The following ZNF18 variants were observed in gnomAD, a reference collection of about 807,000 sequenced individuals.
ZNF18 encodes zinc finger protein 18.
A neutral mutation model predicts 58.1 loss-of-function variants in ZNF18; 42 were observed. The observed-to-expected ratio is 0.72, with a 90% CI of 0.56 to 0.93. The LOEUF is 0.93. Among genes scored for constraint, ZNF18 ranks in the 40% least tolerant of loss-of-function variants. The probability of loss-of-function intolerance (pLI) is 0.00; values close to 1 mark genes in which losing one functional copy is unlikely to be tolerated. For synonymous variants in ZNF18, 231 were observed against 239.8 expected (o/e 0.96, Z 0.34); for missense variants, 540 against 644.2 (o/e 0.84, Z 1.75).
chr17:11,998,844 T>G (rs76973677), upstream of ZNF18, among the ~76,000 whole-genome samples: 35,038 of 128,368 alleles, frequency 0.27, 2,761 homozygotes, highest in East Asian at 0.43. Context: ...TTTTTTTTTT[T>G]TTTGTATTTT....
At chr17:12,010,432 T>C in the ZNF18 span, among the ~76,000 whole-genome samples, 5 of 152,092 alleles carry the variant, frequency 3.3e-5, no homozygotes, top group Non-Finnish European at 7.4e-5. Context: ...TTTTTTTTTT[T>C]TCCAGATGGA....
At chr17:12,004,828 A>C in the ZNF18 span, among the ~76,000 whole-genome samples, 1 of 150,396 alleles carries the variant, frequency 6.6e-6, no homozygotes, top group East Asian at 2.0e-4. Flanking sequence ...CAGAGGTTGC[A>C]GTGAGCCAAG....
At chr17:12,011,184 A>G in the ZNF18 span, 1 of 570,370 alleles carries the variant, frequency 1.8e-6, no homozygotes, top group South Asian at 2.0e-5. Flanking sequence ...CCTGGAGAAC[A>G]TATATCGGGT....
the ZNF18 span, among the ~76,000 whole-genome samples, chr17:12,017,396 G>A: frequency 6.6e-6 from 1 of 152,120 alleles, no homozygotes; most frequent in South Asian, 2.1e-4. Flanking sequence ...CTGGTCCTGA[G>A]CCCTTGGCAA....
At chr17:11,985,970 T>G (rs1407425476) in intron 4 of ZNF18, among the ~76,000 whole-genome samples, 1 of 152,226 alleles carries the variant, frequency 6.6e-6, no homozygotes, top group African/African-American at 2.4e-5. Context: ...GAAGGCACTC[T>G]CTGATATGAT....
chr17:11,984,283 A>C, intron 4 of ZNF18, 86 bp from the exon 5 acceptor site: 2 of 1,333,326 alleles, frequency 1.5e-6, no homozygotes, highest in South Asian at 2.8e-5. Context: ...AGGAAAGCTG[A>C]GAAGACAGAA....
intron 6 of ZNF18, among the ~76,000 whole-genome samples, chr17:11,979,156 T>A (rs1597944258): frequency 6.6e-6 from 1 of 151,224 alleles, no homozygotes; most frequent in East Asian, 1.9e-4. Context: ...GAGAGAGAAA[T>A]ATATACAGAA....
upstream of ZNF18, chr17:11,998,563 T>G (rs573755063): frequency 3.4e-3 from 505 of 150,606 alleles, 5 homozygotes; most frequent in African/African-American, 0.012. Flanking sequence ...TCATAACATG[T>G]CCTGTACCTG....
intron 6 of ZNF18, among the ~76,000 whole-genome samples, chr17:11,982,897 GTTTGT>G (rs1432663982): frequency 6.6e-6 from 1 of 152,002 alleles, no homozygotes; most frequent in African/African-American, 2.4e-5. Flanking sequence ...ATTTTTTTCT[GTTTGT>G]TTTATGTCTA....
intron 4 of ZNF18, among the ~76,000 whole-genome samples, chr17:11,985,054 T>C (rs987627022): frequency 9.2e-5 from 14 of 152,214 alleles, no homozygotes; most frequent in African/African-American, 2.9e-4. Context: ...AAGAGAGAGA[T>C]GTTATAGCCA....
At chr17:11,998,875 C>T (rs1254939184), upstream of ZNF18, among the ~76,000 whole-genome samples, 1 of 138,354 alleles carries the variant, frequency 7.2e-6, no homozygotes, top group African/African-American at 2.8e-5. Context: ...GGGGTTTCAC[C>T]ATGTTGGCCA....
chr17:12,018,566 T>C, the ZNF18 span, among the ~76,000 whole-genome samples: 299 of 152,330 alleles, frequency 2.0e-3, 2 homozygotes, highest in African/African-American at 6.6e-3. Context: ...CATTCTGAGA[T>C]GCTGGGGGTT....
the ZNF18 span, chr17:12,021,449 G>GGCCGGCGCCCCTCGGCCCC: frequency 6.6e-6 from 1 of 151,902 alleles, no homozygotes; most frequent in Non-Finnish European, 1.5e-5. Context: ...CAGCGGCCCC[G>GGCCGGCGCCCCTCGGCCCC]GCCGGCGCCC....
the ZNF18 span, among the ~76,000 whole-genome samples, chr17:12,008,538 A>G: frequency 1.3e-5 from 2 of 152,148 alleles, no homozygotes; most frequent in Non-Finnish European, 2.9e-5. Flanking sequence ...TAACATACTT[A>G]CAGTACCATC....
At position 11,992,931 on chromosome 17, in the gene ZNF18, G is replaced by T; in HGVS notation, c.-82-20C>A. The T allele has an allele frequency of 7.4e-7, 1 of 1,344,274 alleles. No homozygotes were observed. Among genetic ancestry groups the T allele is most frequent in the Non-Finnish European group, 1.0e-6 (1 of 1,003,248 alleles). The allele number at this position is 1,344,274 out of a possible 1,614,324, so 83.3% of individuals were successfully genotyped here. A position where few individuals can be genotyped will look rare whatever the true frequency, so the allele number is the denominator to read the frequency against. On this transcript the variant is annotated intron_variant, in intron 1 of 6. Transcript: ENST00000580306. ...AGGACACTAAAAAGGGAATGAGATT[G>T]AGTGCTACACAGAGGAAGGGGACAC...
chr17:12,000,586 T>A (rs1468671672), upstream of ZNF18, among the ~76,000 whole-genome samples: 1 of 152,142 alleles, frequency 6.6e-6, no homozygotes, highest in East Asian at 1.9e-4. Flanking sequence ...TGCACGCCTG[T>A]AATATACAAA....
At chr17:11,993,911 A>G (rs981275810) in intron 1 of ZNF18, among the ~76,000 whole-genome samples, 1 of 151,620 alleles carries the variant, frequency 6.6e-6, no homozygotes, top group African/African-American at 2.4e-5. Context: ...AATAATCACT[A>G]TTTTATGTGA....
At chr17:11,995,727 A>G (rs1968432664) in intron 1 of ZNF18, 1 of 152,068 alleles carries the variant, frequency 6.6e-6, no homozygotes. Flanking sequence ...AAATCTGAAC[A>G]CTATCAACCG....
At chr17:12,016,021 C>T in the ZNF18 span, among the ~76,000 whole-genome samples, 1 of 152,162 alleles carries the variant, frequency 6.6e-6, no homozygotes, top group Non-Finnish European at 1.5e-5. Flanking sequence ...AAACACCTGA[C>T]CTCAAGTAAT....
Sources: gnomAD v4.1 joint callset for allele counts (sites outside exome capture counted in the v4.1 genomes callset) on GRCh38, gnomAD v4.1.1 for gene constraint, MANE v1.5 for transcripts, NCBI Gene and HGNC (gene_info 2026-07-23, HGNC 2026-07-21) for gene names.